STARD13: variants seen among roughly 807,000 people sequenced by gnomAD.
STARD13 encodes stAR-related lipid transfer protein 13.
STARD13 carries 62 observed loss-of-function variants against 106.4 expected under a neutral mutation model. The ratio of observed to expected loss-of-function variants is 0.58; its 90% CI spans 0.48 to 0.72. STARD13 has a LOEUF of 0.72. STARD13 is among the 30% of genes least tolerant of loss of function. STARD13 has a pLI of 0.00. For synonymous variants in STARD13, 565 were observed against 553.0 expected (o/e 1.02, Z -0.31); for missense variants, 1,387 against 1,424.0 (o/e 0.97, Z 0.42).
Position 33,203,988 on chromosome 13 carries a change from A to C in STARD13, c.170-36366T>G, listed in dbSNP as rs369353417. ...ATTATATTTGTAAGCAGTGAATTAG[A>C]TTCATCAAAAGGTTAATCATCTTCC... On this transcript the variant is annotated intron_variant, in intron 1 of 13. Transcript: ENST00000336934. Among the ~76,000 whole-genome samples, 61 of 152,338 alleles carry C rather than the reference A, an allele frequency of 4.0e-4. 1 individual carries two copies. The South Asian group carries it at 0.012, about 30-fold the overall frequency.
the STARD13 span, among the ~76,000 whole-genome samples, chr13:33,615,921 T>C: frequency 6.6e-6 from 1 of 152,244 alleles, no homozygotes; most frequent in Middle Eastern, 3.2e-3. Flanking sequence ...GTGTTTAATT[T>C]CTTTGGAATA....
the STARD13 span, among the ~76,000 whole-genome samples, chr13:33,599,951 A>G: frequency 6.6e-6 from 1 of 152,202 alleles, no homozygotes; most frequent in Non-Finnish European, 1.5e-5. Flanking sequence ...CGAATTACAA[A>G]TGGAAAACGC....
the STARD13 span, among the ~76,000 whole-genome samples, chr13:33,554,493 G>A: frequency 4.6e-5 from 7 of 152,074 alleles, no homozygotes; most frequent in Non-Finnish European, 7.4e-5. Flanking sequence ...CTTCTTCATC[G>A]GATTATTATG....
the STARD13 span, among the ~76,000 whole-genome samples, chr13:33,609,265 T>G: frequency 6.6e-6 from 1 of 151,950 alleles, no homozygotes; most frequent in Non-Finnish European, 1.5e-5. Flanking sequence ...AATAACACAA[T>G]AGAAATGTCG....
intron 7 of STARD13, among the ~76,000 whole-genome samples, chr13:33,123,055 C>T (rs568193529): frequency 4.4e-5 from 2 of 45,842 alleles, no homozygotes; most frequent in African/African-American, 1.7e-4. Flanking sequence ...GACTCCATCT[C>T]AAAAAAAAAA....
At chr13:33,230,283 A>C (rs1888848685) in intron 1 of STARD13, among the ~76,000 whole-genome samples, 1 of 152,198 alleles carries the variant, frequency 6.6e-6, no homozygotes, top group Non-Finnish European at 1.5e-5. Flanking sequence ...CTTGACTTCT[A>C]AACCTAAACA....
rs774186136 is a variant in STARD13, at chr13:33,285,592, A to G, written c.47T>C (p.Leu16Pro). ...CTGGCCCTCAGGTGTCATGGAATTT[A>G]GGTAGTAGCAGCCTGAGGCTGGGGT... ...PRTPASGCYY[L>P]NSMTPEGQEM... The change falls in exon 1 of 14, where the codon CTA (leucine) becomes CCA (proline). Residue 16 changes from leucine (L) to proline (P), a missense_variant. Physicochemically the swap from Leu to Pro is moderately conservative, Grantham distance 98 (BLOSUM62 -3). Coordinates refer to ENST00000336934, the MANE Select transcript of STARD13 (RefSeq NM_178006.4). 6.2e-7 allele frequency: 1 copy of G among 1,613,936 alleles called. No individual in the cohort carries two copies. Among genetic ancestry groups the G allele is most frequent in the South Asian group, 1.1e-5 (1 of 91,078 alleles).
chr13:33,481,302 G>C, the STARD13 span, among the ~76,000 whole-genome samples: 2 of 152,072 alleles, frequency 1.3e-5, no homozygotes, highest in East Asian at 3.9e-4. Context: ...TGCAATTCTT[G>C]AGAAAATAAT....
chr13:33,520,604 A>G, the STARD13 span, among the ~76,000 whole-genome samples: 2 of 152,030 alleles, frequency 1.3e-5, no homozygotes. Flanking sequence ...GGGTAGTGCT[A>G]CCTCAGCCTG....
the STARD13 span, among the ~76,000 whole-genome samples, chr13:33,669,307 C>CT: frequency 6.6e-6 from 1 of 152,172 alleles, no homozygotes; most frequent in East Asian, 1.9e-4. Context: ...AAATGTAGTT[C>CT]TGTCCAGGAC....
At chr13:33,535,407 T>C in the STARD13 span, among the ~76,000 whole-genome samples, 2 of 152,176 alleles carry the variant, frequency 1.3e-5, no homozygotes, top group African/African-American at 4.8e-5. Flanking sequence ...ACTATAACAA[T>C]TTCAAATTGA....
At chr13:33,164,909 G>A (rs899417776) in intron 3 of STARD13, among the ~76,000 whole-genome samples, 4 of 152,066 alleles carry the variant, frequency 2.6e-5, no homozygotes, top group Admixed American at 6.6e-5. Context: ...TGACACACTC[G>A]TAGTTTTTCA....
the STARD13 span, among the ~76,000 whole-genome samples, chr13:33,436,692 G>A: frequency 8.5e-5 from 13 of 152,220 alleles, no homozygotes; most frequent in African/African-American, 3.1e-4. Flanking sequence ...TGGTCCCAGT[G>A]GACAGCTTAA....
the STARD13 span, among the ~76,000 whole-genome samples, chr13:33,622,795 C>CTG: frequency 1.1e-4 from 17 of 151,954 alleles, no homozygotes; most frequent in Non-Finnish European, 2.1e-4. Flanking sequence ...TGGCGCATGC[C>CTG]TGTAGTCCCA....
At chr13:33,305,642 C>A (rs1198158553) in intron 1 of STARD13, among the ~76,000 whole-genome samples, 2 of 152,206 alleles carry the variant, frequency 1.3e-5, no homozygotes, top group Admixed American at 6.5e-5. Flanking sequence ...AACCTGCAGG[C>A]AGGCCTTGCC....
rs537555838 is a variant in STARD13 at position 33,105,258 on chromosome 13, C to A, written c.*335G>T. 4.2e-6 allele frequency: 1 copy of A among 238,822 alleles called. No individual in the cohort carries two copies. Among genetic ancestry groups the A allele is most frequent in the African/African-American group, 2.2e-5 (1 of 45,698 alleles). The allele number at this position is 238,822 out of a possible 1,614,324, so 14.8% of individuals were successfully genotyped here. A position where few individuals can be genotyped will look rare whatever the true frequency, so the allele number is the denominator to read the frequency against. On this transcript the variant is annotated 3_prime_UTR_variant, in exon 14 of 14. Coordinates refer to ENST00000336934, the MANE Select transcript of STARD13 (RefSeq NM_178006.4). The stretch of plus-strand genomic sequence containing the variant: ...TACACACATATGTACATATGCTATA[C>A]ATACATTTATTTACAGTTAGGTATA...
the STARD13 span, among the ~76,000 whole-genome samples, chr13:33,434,887 AAGGAAAGAAG>A: frequency 7.3e-6 from 1 of 137,510 alleles, no homozygotes; most frequent in African/African-American, 2.9e-5. Context: ...GAAGGGAGGG[AAGGAAAGAAG>A]GAAGGAAGGA....
At chr13:33,251,155 T>C (rs1321682475) in intron 1 of STARD13, among the ~76,000 whole-genome samples, 1 of 152,182 alleles carries the variant, frequency 6.6e-6, no homozygotes, top group Non-Finnish European at 1.5e-5. Flanking sequence ...TAAAATATCA[T>C]CACATCAACC....
At chr13:33,641,976 C>A in the STARD13 span, among the ~76,000 whole-genome samples, 2 of 152,194 alleles carry the variant, frequency 1.3e-5, no homozygotes, top group African/African-American at 4.8e-5. Context: ...ATAGATACAA[C>A]TATTATCTAC....
Sources: allele counts gnomAD v4.1 joint callset (sites outside exome capture counted in the v4.1 genomes callset), GRCh38; gene constraint gnomAD v4.1.1; transcripts MANE v1.5; gene names NCBI Gene and HGNC (gene_info 2026-07-23, HGNC 2026-07-21).